The following ATP5F1A variants were observed in gnomAD, a reference collection of about 807,000 sequenced individuals.
ATP5F1A encodes the protein ATP synthase F(1) complex subunit alpha, mitochondrial.
ATP5F1A carries 24 observed loss-of-function variants against 57.4 expected under a neutral mutation model. The observed-to-expected ratio is 0.42, with a 90% CI of 0.30 to 0.59. ATP5F1A has a LOEUF of 0.59. ATP5F1A is among the 20% of genes least tolerant of loss of function. The probability of loss-of-function intolerance (pLI) is 0.19; values close to 1 mark genes in which losing one functional copy is unlikely to be tolerated. For synonymous variants in ATP5F1A, 251 were observed against 255.5 expected (o/e 0.98, Z 0.17); for missense variants, 494 against 707.9 (o/e 0.70, Z 3.43).
At position 46,081,947 on chromosome 18, in the gene ATP5F1A, G is replaced by T. The variant is rs184731223; in HGVS notation, c.*2335C>A. ...TTGACTTACTGGAGACAGAGAGATG[G>T]ATAAGAATGAAGTTTCGGTACAGCA... On this transcript the variant is annotated 3_prime_UTR_variant, in exon 12 of 12. Transcript: ENST00000398752. The T allele has an allele frequency of 6.6e-6, 1 of 151,848 alleles. No individual in the cohort carries two copies. The highest frequency in any genetic ancestry group is 2.4e-5 in the African/African-American group (1 of 41,378). 9.4% of individuals were successfully genotyped at this position (151,848 alleles called of 1,614,324 possible).
intron 8 of ATP5F1A, 129 bp downstream of exon 8, chr18:46,086,879 T>C: frequency 2.0e-6 from 2 of 1,002,274 alleles, no homozygotes; most frequent in South Asian, 3.4e-5. Context: ...CTTTTCTATG[T>C]ATTTGAAATT....
At position 46,084,518 on chromosome 18, in the gene ATP5F1A, C is replaced by G. The variant is rs563441821; in HGVS notation, c.1566G>C (p.Leu522Phe). The G allele has an allele frequency of 3.3e-5, 52 of 1,598,976 alleles. No homozygotes were observed. The highest frequency in any genetic ancestry group is 4.3e-5 in the Non-Finnish European group (50 of 1,175,980). Residue 522 changes from leucine to phenylalanine, a missense_variant, in exon 11 of 12, where the codon TTG becomes TTC. Leu to Phe is a conservative substitution (Grantham distance 22). Transcript: ENST00000398752. ...TGCATTCATACCTGATAGTGCCCAA[C>G]AAGGCTTGGTGCTGGCTGACGACAT... ...LSHVVSQHQA[L>F]LGTIRADGKI...
intron 3 of ATP5F1A, among the ~76,000 whole-genome samples, chr18:46,090,584 G>A (rs1910486030): frequency 6.6e-6 from 1 of 152,104 alleles, no homozygotes; most frequent in South Asian, 2.1e-4. Context: ...CATGTCTGAA[G>A]CAAAAAGGCT....
chr18:46,094,874 A>C, intron 2 of ATP5F1A, 179 bp downstream of exon 2: 1 of 965,664 alleles, frequency 1.0e-6, no homozygotes, highest in Non-Finnish European at 1.4e-6. Context: ...AGTTCATTTG[A>C]CTATAACAAG....
intron 7 of ATP5F1A, 33 bp from the exon 8 acceptor site, chr18:46,087,265 T>C (rs967751301): frequency 3.7e-6 from 6 of 1,611,542 alleles, no homozygotes; most frequent in Non-Finnish European, 5.1e-6. Flanking sequence ...GAAGTTAACC[T>C]ATTAAATAGA....
At position 46,086,181 on chromosome 18, in the gene ATP5F1A, T is replaced by C; in HGVS notation, c.1361A>G (p.Asp454Gly). 1 of 1,612,486 alleles carries C rather than the reference T, an allele frequency of 6.2e-7. No homozygotes were observed. Among genetic ancestry groups the C allele is most frequent in the Non-Finnish European group, 8.5e-7 (1 of 1,180,016 alleles). ...AAFAQFGSDLDAATQQLLSRG... is the reference protein window; with the variant it reads ...AAFAQFGSDLGAATQQLLSRG... ...ACTCAAAAGTTGTTGAGTGGCAGCATCGAGGTCAGAACCGAACTGGGCAAA... is the reference window on the plus strand; with the variant it reads ...ACTCAAAAGTTGTTGAGTGGCAGCACCGAGGTCAGAACCGAACTGGGCAAA... The change falls in exon 10 of 12, where the codon GAT becomes GGT. Residue 454 changes from aspartate to glycine, a missense_variant. By Grantham distance (94) the Asp-to-Gly change is moderately conservative. Transcript: ENST00000398752.
intron 1 of ATP5F1A, 135 bp downstream of exon 1, chr18:46,098,037 C>A: frequency 7.0e-7 from 1 of 1,432,446 alleles, no homozygotes; most frequent in Non-Finnish European, 9.1e-7. Context: ...CTCTGTCCAG[C>A]CGGAGAAGCC....
At chr18:46,091,559 G>GA in intron 3 of ATP5F1A, 123 bp downstream of exon 3, 1 of 1,103,200 alleles carries the variant, frequency 9.1e-7, no homozygotes, top group South Asian at 1.9e-5. Flanking sequence ...ATAATAACAA[G>GA]AAAAAAATCT....
upstream of ATP5F1A, among the ~76,000 whole-genome samples, chr18:46,102,494 T>G (rs1032371441): frequency 6.6e-6 from 1 of 152,016 alleles, no homozygotes; most frequent in Non-Finnish European, 1.5e-5. Context: ...TGGCTAATTT[T>G]TGTATTTTTA....
In ATP5F1A at chr18:46,087,384, T is replaced by C. The variant is rs1910185028; in HGVS notation, c.908A>G (p.Asn303Ser). 2 of 1,614,208 alleles carry C rather than the reference T, an allele frequency of 1.2e-6. No individual in the cohort carries two copies. The highest frequency in any genetic ancestry group is 8.5e-7 in the Non-Finnish European group (1 of 1,180,046). ...GCSMGEYFRDNGKHALIIYDD... is the reference protein window; with the variant it reads ...GCSMGEYFRDSGKHALIIYDD... ...ATAGATGATCAAAGCATGTTTGCCA[T>C]TGTCTCTAAAATACTCTCCCATGGA... Residue 303 changes from asparagine (N) to serine (S), a missense_variant, in exon 7 of 12, where the codon AAT becomes AGT. Physicochemically the swap from Asn to Ser is conservative, Grantham distance 46. Coordinates refer to ENST00000398752, the MANE Select transcript of ATP5F1A (RefSeq NM_004046.6).
At position 46,080,601 on chromosome 18, in the gene ATP5F1A, T is replaced by A. The variant is rs1277438790; in HGVS notation, c.*3681A>T. The stretch of plus-strand genomic sequence containing the variant: ...AAGGACTATACAGTTTTAGGGGAGA[T>A]CTTGAAGTCTTCTAGCACAACTTTT... On this transcript the variant is annotated 3_prime_UTR_variant, in exon 12 of 12. Coordinates refer to ENST00000398752, the MANE Select transcript of ATP5F1A (RefSeq NM_004046.6). 1 of 151,716 alleles carries A rather than the reference T, an allele frequency of 6.6e-6. No homozygotes were observed. The highest frequency in any genetic ancestry group is 2.4e-5 in the African/African-American group (1 of 41,250). 9.4% of individuals were successfully genotyped at this position (151,716 alleles called of 1,614,324 possible).
chr18:46,099,143 T>C (rs72903438), upstream of ATP5F1A, among the ~76,000 whole-genome samples: 9,822 of 152,204 alleles, frequency 0.065, 414 homozygotes, highest in African/African-American at 0.12. Flanking sequence ...AGAAGAGTCA[T>C]TGCCAATCCT....
At chr18:46,094,472 T>C (rs752668336) in intron 2 of ATP5F1A, among the ~76,000 whole-genome samples, 1 of 151,896 alleles carries the variant, frequency 6.6e-6, no homozygotes, top group Admixed American at 6.6e-5. Flanking sequence ...ATCGAGACCA[T>C]CCTGGCCAAC....
At position 46,086,368 on chromosome 18, in the gene ATP5F1A, C is replaced by T. The variant is rs1040635567; in HGVS notation, c.1284+19G>A. Reference sequence around the variant, plus strand: ...AATCTAATGATAGCCCCCTTACTGCCAAAGTGATGCAAAATTACCTGCTTC... The same window carrying T: ...AATCTAATGATAGCCCCCTTACTGCTAAAGTGATGCAAAATTACCTGCTTC... On this transcript the variant is annotated intron_variant, in intron 9 of 11. Transcript: ENST00000398752. 2 of 1,613,714 alleles carry T rather than the reference C, an allele frequency of 1.2e-6. No homozygotes were observed. Among genetic ancestry groups the T allele is most frequent in the Non-Finnish European group, 8.5e-7 (1 of 1,179,826 alleles).
At position 46,084,253 on chromosome 18, in the gene ATP5F1A, A is replaced by C. The variant is rs764862114; in HGVS notation, c.*29T>G. ...TTTACTAGAACAATGACAAAACTGA[A>C]CTGGTATTTGATGTGAATCCACAGG... On this transcript the variant is annotated 3_prime_UTR_variant, in exon 12 of 12. Coordinates refer to ENST00000398752, the MANE Select transcript of ATP5F1A (RefSeq NM_004046.6). The C allele has an allele frequency of 6.3e-7, 1 of 1,583,758 alleles. No homozygotes were observed. The highest frequency in any genetic ancestry group is 1.3e-5 in the African/African-American group (1 of 74,102).
At chr18:46,098,951 G>A (rs996186579), upstream of ATP5F1A, among the ~76,000 whole-genome samples, 21 of 152,134 alleles carry the variant, frequency 1.4e-4, no homozygotes, top group Admixed American at 1.1e-3. Context: ...CCTGATAACC[G>A]GGGGAGGGGA....
intron 2 of ATP5F1A, 130 bp downstream of exon 2, chr18:46,094,923 A>C: frequency 7.8e-7 from 1 of 1,284,128 alleles, no homozygotes; most frequent in Non-Finnish European, 1.0e-6. Flanking sequence ...ATATGGTTTA[A>C]GAACCTGAGA....
At position 46,097,782 on chromosome 18, in the gene ATP5F1A, T is replaced by G. The variant is rs74634459; in HGVS notation, c.60+390A>C. 0.013 allele frequency: 13,449 copies of G among 1,033,422 alleles called. 98 individuals are homozygous for G. Among genetic ancestry groups the G allele is most frequent in the Non-Finnish European group, 0.015 (12,526 of 859,858 alleles). The allele number at this position is 1,033,422 out of a possible 1,614,324, so 64.0% of individuals were successfully genotyped here. A position where few individuals can be genotyped will look rare whatever the true frequency, so the allele number is the denominator to read the frequency against. On this transcript the variant is annotated intron_variant, in intron 1 of 11. Transcript: ENST00000398752. ...TAGCTTCAACAAGAGCTGACAGCAGTTTTCTGACCTTCAGCGGGACGCGAC... is the reference window on the plus strand; with the variant it reads ...TAGCTTCAACAAGAGCTGACAGCAGGTTTCTGACCTTCAGCGGGACGCGAC...
rs776881040 is a variant in ATP5F1A at position 46,086,957 on chromosome 18, T to C, written c.1176+51A>G. 5.7e-6 allele frequency: 9 copies of C among 1,580,868 alleles called. No individual in the cohort carries two copies. The South Asian group carries it at 1.0e-4, about 18-fold the overall frequency. The stretch of plus-strand genomic sequence containing the variant: ...ATACCATTAGTCTCAACCAATGCCT[T>C]AGAATTATCCAAATCTTTTTTAACA... On this transcript the variant is annotated intron_variant, in intron 8 of 11. Transcript: ENST00000398752.
Sources: gnomAD v4.1 joint callset for allele counts (sites outside exome capture counted in the v4.1 genomes callset) on GRCh38, gnomAD v4.1.1 for gene constraint, MANE v1.5 for transcripts, NCBI Gene and HGNC (gene_info 2026-07-23, HGNC 2026-07-21) for gene names.